Variants in LRBA observed in about 807,000 individuals in gnomAD.
LRBA encodes lipopolysaccharide-responsive and beige-like anchor protein.
A neutral mutation model predicts 330.0 loss-of-function variants in LRBA; 176 were observed. The observed-to-expected ratio is 0.53, with a 90% CI of 0.47 to 0.60. The LOEUF (loss-of-function observed/expected upper bound fraction) is 0.60, where lower values mean the gene tolerates loss of function less well. Ranked by LOEUF, LRBA falls within the 20% of genes least tolerant of loss-of-function variation. LRBA has a pLI of 0.00. For synonymous variants in LRBA, 1,230 were observed against 1,193.0 expected, an observed-to-expected ratio of 1.03 and a Z score of -0.64; for missense variants, 3,259 against 3,444.8, an observed-to-expected ratio of 0.95 and a Z score of 1.35.
chr4:150,775,825 A>AAAAAG (rs1156772562), intron 34 of LRBA, among the ~76,000 whole-genome samples: 1 of 147,014 alleles, frequency 6.8e-6, no homozygotes, highest in Non-Finnish European at 1.5e-5. Flanking sequence ...AAAAAAAAAA[A>AAAAAG]AAGACCAGCA....
At position 150,361,794 on chromosome 4, in the gene LRBA, G is replaced by A. The variant is rs112824137; in HGVS notation, c.7195-11635C>T. Among the ~76,000 whole-genome samples the A allele has an allele frequency of 6.9e-3, 969 of 140,830 alleles. 9 individuals carry two copies. The highest frequency in any genetic ancestry group is 0.024 in the African/African-American group (923 of 37,896). 92.4% of individuals were successfully genotyped at this position (140,830 alleles called of 152,430 possible). On this transcript the variant is annotated intron_variant, in intron 47 of 56. Transcript: ENST00000651943. Reference sequence around the variant, plus strand: ...CTACTTTTTTTTTTTTTTTTGAGACGGAGTCTCACTCTGTCGCCCAGGCTG... The same window carrying A: ...CTACTTTTTTTTTTTTTTTTGAGACAGAGTCTCACTCTGTCGCCCAGGCTG...
Position 150,314,077 on chromosome 4 carries a change from T to G in LRBA, c.7693+1484A>C, listed in dbSNP as rs1731418405. On this transcript the variant is annotated intron_variant, in intron 51 of 56. Coordinates refer to ENST00000651943, the MANE Select transcript of LRBA (RefSeq NM_001364905.1). ...ACCTAAAATATTTACTATCTGGCCC[T>G]TTACCAAAAAAGTTTACCCATGCTT... is the stretch of plus-strand genomic sequence containing the variant. 2.0e-5 allele frequency among the ~76,000 whole-genome samples: 3 copies of G among 152,026 alleles called. No individual in the cohort carries two copies. The South Asian group carries it at 6.2e-4, about 32-fold the overall frequency.
rs1561396860 is a variant in LRBA, at chr4:150,590,789, T to C, written c.6117A>G (p.Ser2039=). The C allele has an allele frequency of 1.9e-6, 3 of 1,613,848 alleles. No homozygotes were observed. The highest frequency in any genetic ancestry group is 2.5e-6 in the Non-Finnish European group (3 of 1,179,696). ...CGCCTTCCAGGAGGATCTCGTTTTCTGAGTTCTGATTTCCTAAAGCCTGAC... is the reference window on the plus strand; with the variant it reads ...CGCCTTCCAGGAGGATCTCGTTTTCCGAGTTCTGATTTCCTAAAGCCTGAC... The part of the protein sequence containing the change: ...IRSQALGNQN[S]ENEILLEGDD... Residue 2039 remains serine (S), a synonymous_variant, in exon 39 of 57, where the codon TCA becomes TCG. Coordinates refer to ENST00000651943, the MANE Select transcript of LRBA (RefSeq NM_001364905.1).
intron 2 of LRBA, among the ~76,000 whole-genome samples, chr4:150,964,718 C>G (rs899129229): frequency 9.2e-5 from 14 of 151,998 alleles, no homozygotes; most frequent in Non-Finnish European, 1.9e-4. Context: ...CTAGGAAAAC[C>G]AGAGACCTTT....
chr4:150,426,449 G>T (rs1040164745), intron 46 of LRBA, among the ~76,000 whole-genome samples: 2 of 152,042 alleles, frequency 1.3e-5, no homozygotes, highest in African/African-American at 4.8e-5. Context: ...TTTAAGTCTT[G>T]TCTACTCAAC....
intron 2 of LRBA, among the ~76,000 whole-genome samples, chr4:150,982,530 C>A (rs1740959003): frequency 6.6e-6 from 1 of 151,274 alleles, no homozygotes; most frequent in South Asian, 2.1e-4. Flanking sequence ...TGTCAGTAAA[C>A]TCCCTGTAAT....
intron 34 of LRBA, among the ~76,000 whole-genome samples, chr4:150,764,093 A>T (rs1328955776): frequency 1.3e-5 from 2 of 152,042 alleles, no homozygotes; most frequent in African/African-American, 4.8e-5. Context: ...CATTTAACTT[A>T]CAGAAAACTT....
rs151018184 is a variant in LRBA at position 150,656,256 on chromosome 4, A to C, written c.5921+27295T>G. On this transcript the variant is annotated intron_variant, in intron 37 of 56. Transcript: ENST00000651943. ...CCCAAGTGAAAGGTCTAATTTTCAT[A>C]TCAAGAGCATCAGCCAAACCTTTGA... is the stretch of plus-strand genomic sequence containing the variant. 8.3e-3 allele frequency among the ~76,000 whole-genome samples: 1,258 copies of C among 152,336 alleles called. 12 individuals carry two copies. The highest frequency in any genetic ancestry group is 0.029 in the African/African-American group (1,193 of 41,562).
chr4:150,799,477 A>G (rs1489190014), intron 33 of LRBA, among the ~76,000 whole-genome samples: 3 of 152,214 alleles, frequency 2.0e-5, no homozygotes, highest in African/African-American at 7.2e-5. Context: ...AGATAATAAA[A>G]GAAGTTCAGT....
chr4:150,900,336 G>T, intron 13 of LRBA, 119 bp from the exon 14 acceptor site: 2 of 631,294 alleles, frequency 3.2e-6, no homozygotes, highest in South Asian at 2.5e-5. Flanking sequence ...TGCTGAGCCT[G>T]ATAATAATAT....
chr4:150,585,606 G>C (rs1198063945), intron 40 of LRBA, among the ~76,000 whole-genome samples: 2 of 152,164 alleles, frequency 1.3e-5, no homozygotes, highest in African/African-American at 4.8e-5. Context: ...GAATTGGTTT[G>C]TCTTGCTTAT....
intron 13 of LRBA, among the ~76,000 whole-genome samples, chr4:150,903,172 G>A (rs527396495): frequency 4.8e-4 from 73 of 151,988 alleles, no homozygotes; most frequent in African/African-American, 1.5e-3. Context: ...GCTTGAGGCC[G>A]GAAGTTCGAG....
At chr4:150,298,371 T>C (rs2126829576) in intron 53 of LRBA, among the ~76,000 whole-genome samples, 1 of 152,220 alleles carries the variant, frequency 6.6e-6, no homozygotes, top group East Asian at 1.9e-4. Context: ...TCTAAATTCA[T>C]TAAAAAAAAT....
At chr4:150,674,377 G>C (rs1220272178) in intron 37 of LRBA, among the ~76,000 whole-genome samples, 1 of 150,826 alleles carries the variant, frequency 6.6e-6, no homozygotes, top group African/African-American at 2.4e-5. Context: ...CACAGTTGAA[G>C]TAGCAAACAG....
rs369653788 is a variant in LRBA at position 150,277,999 on chromosome 4, G to C, written c.8322C>G (p.Ile2774Met). The change falls in exon 56 of 57, where the codon ATC (isoleucine) becomes ATG (methionine). Residue 2774 changes from isoleucine to methionine, a missense_variant. Ile to Met is a conservative substitution (Grantham distance 10). Coordinates refer to ENST00000651943, the MANE Select transcript of LRBA (RefSeq NM_001364905.1). ...GGTACTGCCCATCTCGGCTCAGCTG[G>C]ATGGCCTGTGAGACACAGCAACATT... ...TMETDDNIRA[I>M]QLSRDGQYLL... 1 of 1,613,732 alleles carries C rather than the reference G, an allele frequency of 6.2e-7. No homozygotes were observed. The highest frequency in any genetic ancestry group is 1.7e-5 in the Admixed American group (1 of 60,016).
intron 2 of LRBA, among the ~76,000 whole-genome samples, chr4:150,933,679 T>G (rs1239984609): frequency 2.1e-5 from 3 of 146,224 alleles, no homozygotes; most frequent in Non-Finnish European, 4.5e-5. Flanking sequence ...TTTTGTGCCA[T>G]GAACACATAT....
At chr4:150,489,427 C>T (rs186063748) in intron 41 of LRBA, among the ~76,000 whole-genome samples, 612 of 37,860 alleles carry the variant, frequency 0.016, 37 homozygotes, top group Middle Eastern at 0.059. Flanking sequence ...AAATATATTA[C>T]ATATAAGAAT....
chr4:150,300,970 C>T (rs528955220), intron 53 of LRBA, among the ~76,000 whole-genome samples: 55 of 151,922 alleles, frequency 3.6e-4, no homozygotes, highest in Non-Finnish European at 6.5e-4. Flanking sequence ...TATGTGTGTT[C>T]AGATTTCTTT....
At chr4:150,964,338 T>G (rs993110561) in intron 2 of LRBA, among the ~76,000 whole-genome samples, 3 of 149,612 alleles carry the variant, frequency 2.0e-5, no homozygotes, top group Non-Finnish European at 2.9e-5. Context: ...CAACAGCTCA[T>G]TGAGAACGGG....
Sources: allele counts gnomAD v4.1 joint callset (sites outside exome capture counted in the v4.1 genomes callset), GRCh38; gene constraint gnomAD v4.1.1; transcripts MANE v1.5; gene names NCBI Gene and HGNC (gene_info 2026-07-23, HGNC 2026-07-21).